FAM135B: variants seen among roughly 807,000 people sequenced by gnomAD.
FAM135B encodes the protein family with sequence similarity 135 member B.
Under a neutral mutation model 127.7 loss-of-function variants are expected in FAM135B, and 43 were observed. The ratio of observed to expected loss-of-function variants is 0.34; its 90% CI spans 0.26 to 0.43. The LOEUF is 0.43. Among genes scored for constraint, FAM135B ranks in the 20% least tolerant of loss-of-function variants. FAM135B has a pLI of 1.00. For synonymous variants in FAM135B, 670 were observed against 665.1 expected (o/e 1.01, Z -0.11); for missense variants, 1,558 against 1,725.6 (o/e 0.90, Z 1.72).
intron 3 of FAM135B, among the ~76,000 whole-genome samples, chr8:138,303,670 T>C (rs1211793299): frequency 6.6e-6 from 1 of 152,196 alleles, no homozygotes; most frequent in East Asian, 1.9e-4. Flanking sequence ...ACAAATGTGA[T>C]TTCTAAGAGA....
At chr8:138,178,260 A>T (rs1814674547) in intron 10 of FAM135B, among the ~76,000 whole-genome samples, 1 of 152,104 alleles carries the variant, frequency 6.6e-6, no homozygotes, top group Non-Finnish European at 1.5e-5. Context: ...AGAAAAAAAA[A>T]AAAAAGAAAA....
In FAM135B at chr8:138,313,666, G is replaced by A. The variant is rs545116049; in HGVS notation, c.78-2746C>T. 2.3e-3 allele frequency among the ~76,000 whole-genome samples: 256 copies of A among 108,946 alleles called. 1 individual carries two copies. Among genetic ancestry groups the A allele is most frequent in the African/African-American group, 7.7e-3 (243 of 31,680 alleles). 71.5% of individuals were successfully genotyped at this position (108,946 alleles called of 152,430 possible). ...TTACAGGTGTGAGGCACTGTACCCC[G>A]CAGATAAATTTTAGTTCATTAAAAC... On this transcript the variant is annotated intron_variant, in intron 2 of 19. Coordinates refer to ENST00000395297, the MANE Select transcript of FAM135B (RefSeq NM_015912.4).
At chr8:138,427,726 G>A (rs555330392) in intron 1 of FAM135B, among the ~76,000 whole-genome samples, 5 of 152,174 alleles carry the variant, frequency 3.3e-5, no homozygotes, top group East Asian at 3.9e-4. Flanking sequence ...TATGTCAATC[G>A]AGCCCTAGAA....
intron 6 of FAM135B, among the ~76,000 whole-genome samples, chr8:138,245,001 C>T (rs1343973997): frequency 4.6e-5 from 7 of 152,180 alleles, no homozygotes; most frequent in African/African-American, 1.2e-4. Flanking sequence ...CCCTATTTGA[C>T]AGGTATTTCC....
intron 1 of FAM135B, among the ~76,000 whole-genome samples, chr8:138,435,418 G>A (rs2131524528): frequency 6.6e-6 from 1 of 152,254 alleles, no homozygotes; most frequent in Admixed American, 6.5e-5. Flanking sequence ...GTTATCCTCA[G>A]GTTACTGATG....
chr8:138,159,167 G>A (rs1436206738), intron 12 of FAM135B, among the ~76,000 whole-genome samples: 2 of 147,536 alleles, frequency 1.4e-5, no homozygotes, highest in Admixed American at 6.8e-5. Context: ...AGCTACTCGG[G>A]AGGCTGAGGC....
chr8:138,220,061 TCACA>T (rs3221962), intron 7 of FAM135B, among the ~76,000 whole-genome samples: 20 of 146,404 alleles, frequency 1.4e-4, no homozygotes, highest in South Asian at 2.2e-4. Flanking sequence ...TTGCCTAAAA[TCACA>T]CACACACACA....
At position 138,139,008 on chromosome 8, in the gene FAM135B, G is replaced by A. The variant is rs1045050914; in HGVS notation, c.3879C>T (p.Leu1293=). ...RDNADLRKCF[L]YQLSQKTGLQ... Reference sequence around the variant, plus strand: ...GACCTGTTTTTTGGCTTAGTTGGTAGAGGAAACATTTGCGCAAATCAGCAT... The same window carrying A: ...GACCTGTTTTTTGGCTTAGTTGGTAAAGGAAACATTTGCGCAAATCAGCAT... Residue 1293 remains leucine (L), a synonymous_variant, in exon 18 of 20, where the codon CTC becomes CTT. Coordinates refer to ENST00000395297, the MANE Select transcript of FAM135B (RefSeq NM_015912.4). 7 of 1,613,104 alleles carry A rather than the reference G, an allele frequency of 4.3e-6. No individual in the cohort carries two copies. The highest frequency in any genetic ancestry group is 5.9e-6 in the Non-Finnish European group (7 of 1,179,168).
chr8:138,282,766 G>A (rs539132529), intron 3 of FAM135B, among the ~76,000 whole-genome samples: 4 of 152,330 alleles, frequency 2.6e-5, no homozygotes, highest in South Asian at 2.1e-4. Context: ...TTGGGAGATC[G>A]TTTGGTGGTT....
At chr8:138,238,754 C>T (rs1392241868) in intron 7 of FAM135B, among the ~76,000 whole-genome samples, 1 of 152,142 alleles carries the variant, frequency 6.6e-6, no homozygotes, top group African/African-American at 2.4e-5. Flanking sequence ...TACAAAGCTC[C>T]CAGGGGAGGT....
intron 2 of FAM135B, among the ~76,000 whole-genome samples, chr8:138,352,803 G>T (rs1045400417): frequency 3.3e-5 from 5 of 151,898 alleles, no homozygotes. Flanking sequence ...TCAGGGAAGA[G>T]AGAAATCAGT....
At chr8:138,281,106 A>G (rs183340681) in intron 3 of FAM135B, among the ~76,000 whole-genome samples, 1 of 152,288 alleles carries the variant, frequency 6.6e-6, no homozygotes, top group Non-Finnish European at 1.5e-5. Flanking sequence ...GTGGAAAAAA[A>G]ACAGGCTGAA....
At chr8:138,356,297 C>A (rs112675160) in intron 2 of FAM135B, among the ~76,000 whole-genome samples, 1 of 151,570 alleles carries the variant, frequency 6.6e-6, no homozygotes, top group African/African-American at 2.4e-5. Flanking sequence ...AGAGAGCCAG[C>A]GAGTGAGAGA....
intron 1 of FAM135B, among the ~76,000 whole-genome samples, chr8:138,382,109 C>T (rs145766982): frequency 2.6e-4 from 39 of 152,266 alleles, no homozygotes; most frequent in African/African-American, 6.7e-4. Flanking sequence ...ACTCAGCCCA[C>T]GTCACCGTGT....
At chr8:138,384,770 G>T (rs896119904) in intron 1 of FAM135B, among the ~76,000 whole-genome samples, 2 of 151,976 alleles carry the variant, frequency 1.3e-5, no homozygotes, top group Non-Finnish European at 2.9e-5. Context: ...CTGTTTAGGG[G>T]CTAGCAATTG....
At chr8:138,379,566 G>C (rs565351172) in intron 1 of FAM135B, among the ~76,000 whole-genome samples, 1 of 152,112 alleles carries the variant, frequency 6.6e-6, no homozygotes, top group African/African-American at 2.4e-5. Context: ...AAGCTGAGTT[G>C]CTAGGGAAAG....
rs139117207 is a variant in FAM135B at position 138,218,753 on chromosome 8, G to GCACACA, written c.670-21090_670-21085dup. On this transcript the variant is annotated intron_variant, in intron 7 of 19. Transcript: ENST00000395297. ...TGCCCTGCTCCTCCCAAACTTACAC[G>GCACACA]CACACACACACACAGAGAGAGAGAG... 9.7e-4 allele frequency among the ~76,000 whole-genome samples: 50 copies of GCACACA among 51,362 alleles called. 1 individual carries two copies. Among genetic ancestry groups the GCACACA allele is most frequent in the African/African-American group, 1.7e-3 (31 of 18,280 alleles). 33.7% of individuals were successfully genotyped at this position (51,362 alleles called of 152,430 possible). A position where few individuals can be genotyped will look rare whatever the true frequency, so the allele number is the denominator to read the frequency against.
chr8:138,335,898 C>A (rs999834720), intron 2 of FAM135B, among the ~76,000 whole-genome samples: 53 of 152,304 alleles, frequency 3.5e-4, no homozygotes, highest in Non-Finnish European at 6.5e-4. Flanking sequence ...GAAATTATCA[C>A]AAACTGTCTC....
At chr8:138,276,341 C>A (rs1823821370) in intron 3 of FAM135B, among the ~76,000 whole-genome samples, 1 of 152,188 alleles carries the variant, frequency 6.6e-6, no homozygotes, top group South Asian at 2.1e-4. Context: ...GTCACGGTCT[C>A]CAGGATGTGC....
Sources: allele counts gnomAD v4.1 joint callset (sites outside exome capture counted in the v4.1 genomes callset), GRCh38; gene constraint gnomAD v4.1.1; transcripts MANE v1.5; gene names NCBI Gene and HGNC (gene_info 2026-07-23, HGNC 2026-07-21).